Variants in FAM83B observed in about 807,000 individuals in gnomAD.
The protein encoded by FAM83B is scaffolding CK1 anchoring protein B, also known as protein FAM83B.
FAM83B carries 26 observed loss-of-function variants against 38.8 expected under a neutral mutation model. The observed-to-expected ratio is 0.67, with a 90% CI of 0.49 to 0.93. The LOEUF (loss-of-function observed/expected upper bound fraction) is 0.93. FAM83B is among the 40% of genes least tolerant of loss of function. FAM83B has a pLI of 0.00. For synonymous variants in FAM83B, 419 were observed against 423.1 expected, an observed-to-expected ratio of 0.99 and a Z score of 0.12; for missense variants, 1,237 against 1,197.3, an observed-to-expected ratio of 1.03 and a Z score of -0.49.
rs376048871 is a variant in FAM83B, at chr6:54,940,161, T to C, written c.1190T>C (p.Val397Ala). ...HSYAGEQPETVPYLLLNRALN... is the reference protein window; with the variant it reads ...HSYAGEQPETAPYLLLNRALN... Reference sequence around the variant, plus strand: ...TATGCTGGGGAACAGCCAGAAACAGTGCCATACCTCCTGCTTAATAGGGCT... The same window carrying C: ...TATGCTGGGGAACAGCCAGAAACAGCGCCATACCTCCTGCTTAATAGGGCT... Residue 397 changes from valine (V) to alanine (A), a missense_variant, in exon 5 of 5, where the codon GTG becomes GCG. Physicochemically the swap from Val to Ala is moderately conservative, Grantham distance 64 (BLOSUM62 0). Coordinates refer to ENST00000306858, the MANE Select transcript of FAM83B (RefSeq NM_001010872.3). The C allele has an allele frequency of 1.3e-5, 21 of 1,613,852 alleles. No individual in the cohort carries two copies. Among genetic ancestry groups the C allele is most frequent in the Admixed American group, 1.7e-5 (1 of 59,936 alleles).
At position 54,941,661 on chromosome 6, in the gene FAM83B, G is replaced by A. The variant is rs1383983728; in HGVS notation, c.2690G>A (p.Arg897Gln). The A allele has an allele frequency of 6.8e-6, 11 of 1,614,046 alleles. No individual in the cohort carries two copies. The highest frequency in any genetic ancestry group is 3.3e-5 in the Admixed American group (2 of 59,992). Residue 897 changes from arginine to glutamine, a missense_variant, in exon 5 of 5, where the codon CGA (arginine) becomes CAA (glutamine). Arg to Gln is a conservative substitution (Grantham distance 43, BLOSUM62 1). Transcript: ENST00000306858. The part of the protein sequence containing the change: ...PRFNTEQIQY[R>Q]DSREINAVVT... ...TTTAACACTGAACAGATCCAATACC[G>A]AGATTCAAGGGAGATTAATGCAGTT...
At chr6:54,924,526 G>A (rs1039074997) in intron 2 of FAM83B, among the ~76,000 whole-genome samples, 3 of 151,292 alleles carry the variant, frequency 2.0e-5, no homozygotes, top group African/African-American at 7.3e-5. Flanking sequence ...CCTAGCAGTA[G>A]GATTTGAACC....
intron 2 of FAM83B, among the ~76,000 whole-genome samples, chr6:54,919,058 G>C (rs1308054948): frequency 6.6e-6 from 1 of 151,940 alleles, no homozygotes; most frequent in African/African-American, 2.4e-5. Context: ...ACCAGACCAA[G>C]TTTCAAAAAA....
rs370609610 is a variant in FAM83B at position 54,885,233 on chromosome 6, C to T, written c.444+14543C>T. 1.7e-3 allele frequency among the ~76,000 whole-genome samples: 260 copies of T among 152,002 alleles called. 1 individual carries two copies. Among genetic ancestry groups the T allele is most frequent in the South Asian group, 0.013 (61 of 4,824 alleles). ...TAGAACAGTGTGAGTAGAGTTGAAC[C>T]TTACAATATTGAGTCTTCTAATCCA... On this transcript the variant is annotated intron_variant, in intron 2 of 4. Coordinates refer to ENST00000306858, the MANE Select transcript of FAM83B (RefSeq NM_001010872.3).
At chr6:54,930,113 A>G (rs1248270174) in intron 4 of FAM83B, among the ~76,000 whole-genome samples, 1 of 152,028 alleles carries the variant, frequency 6.6e-6, no homozygotes, top group Non-Finnish European at 1.5e-5. Flanking sequence ...TGTCTGCATT[A>G]TAGTTTTATC....
intron 2 of FAM83B, among the ~76,000 whole-genome samples, chr6:54,872,119 T>C (rs1462602522): frequency 1.3e-5 from 2 of 152,192 alleles, no homozygotes; most frequent in Non-Finnish European, 2.9e-5. Flanking sequence ...ATAACCTGTC[T>C]TTTCAGCTGT....
In FAM83B at chr6:54,870,722, T is replaced by G. The variant is rs747423890; in HGVS notation, c.444+32T>G. 6 of 1,536,670 alleles carry G rather than the reference T, an allele frequency of 3.9e-6. No individual in the cohort carries two copies. In the African/African-American group the frequency reaches 5.6e-5, roughly 14 times the overall value. On this transcript the variant is annotated intron_variant, in intron 2 of 4. Transcript: ENST00000306858. ...ACATTTCTATTTTGAAATGAAAAAT[T>G]TGAAACATGTAGAAAAGTAGAGAGA...
intron 1 of FAM83B, among the ~76,000 whole-genome samples, chr6:54,855,966 G>A (rs555056900): frequency 1.3e-5 from 2 of 152,270 alleles, no homozygotes; most frequent in African/African-American, 2.4e-5. Flanking sequence ...TTGTACAGAG[G>A]ATGGTTAAAA....
upstream of FAM83B, among the ~76,000 whole-genome samples, chr6:54,846,433 C>A (rs972899226): frequency 1.3e-5 from 2 of 152,214 alleles, no homozygotes; most frequent in Non-Finnish European, 2.9e-5. Context: ...CGGGATCGCT[C>A]CTCGCCCCAG....
At chr6:54,882,523 C>T (rs1440163765) in intron 2 of FAM83B, among the ~76,000 whole-genome samples, 1 of 152,076 alleles carries the variant, frequency 6.6e-6, no homozygotes, top group South Asian at 2.1e-4. Flanking sequence ...CTTGGGCTTA[C>T]CATTATGGTG....
chr6:54,890,220 T>A (rs1772369396), intron 2 of FAM83B, among the ~76,000 whole-genome samples: 1 of 128,370 alleles, frequency 7.8e-6, no homozygotes, highest in South Asian at 2.6e-4. Context: ...AAATAAGAAA[T>A]GTTTTATTGA....
intron 2 of FAM83B, among the ~76,000 whole-genome samples, chr6:54,924,300 T>C (rs1773238792): frequency 6.6e-6 from 1 of 151,944 alleles, no homozygotes; most frequent in Non-Finnish European, 1.5e-5. Context: ...ACATGATGAT[T>C]ACACACAATT....
At chr6:54,870,724 G>C in intron 2 of FAM83B, 34 bp downstream of exon 2, 1 of 1,525,018 alleles carries the variant, frequency 6.6e-7, no homozygotes, top group Non-Finnish European at 8.8e-7. Flanking sequence ...TGAAAAATTT[G>C]AAACATGTAG....
intron 2 of FAM83B, among the ~76,000 whole-genome samples, chr6:54,894,222 C>T (rs905470745): frequency 6.6e-6 from 1 of 152,114 alleles, no homozygotes; most frequent in African/African-American, 2.4e-5. Flanking sequence ...TTGTAGTGTC[C>T]ATTGATTTAA....
intron 2 of FAM83B, among the ~76,000 whole-genome samples, chr6:54,881,654 T>C (rs1462708229): frequency 6.6e-6 from 1 of 152,136 alleles, no homozygotes; most frequent in Non-Finnish European, 1.5e-5. Flanking sequence ...TGTGATCATG[T>C]AGTCTTTTTA....
intron 2 of FAM83B, among the ~76,000 whole-genome samples, chr6:54,883,333 T>A (rs1354231831): frequency 4.1e-5 from 1 of 24,154 alleles, no homozygotes; most frequent in Non-Finnish European, 6.2e-5. Flanking sequence ...TTTTTTTAAG[T>A]TTTTTTTTTT....
chr6:54,935,434 A>G (rs568667943), intron 4 of FAM83B, among the ~76,000 whole-genome samples: 1 of 152,270 alleles, frequency 6.6e-6, no homozygotes, highest in Non-Finnish European at 1.5e-5. Flanking sequence ...TTCTAAGAGC[A>G]TGTCAGCAGG....
chr6:54,923,099 A>G (rs770974672), intron 2 of FAM83B, among the ~76,000 whole-genome samples: 5 of 152,094 alleles, frequency 3.3e-5, no homozygotes, highest in Non-Finnish European at 7.4e-5. Context: ...AGCTTCAACA[A>G]TTATCATTCA....
At chr6:54,853,805 A>G (rs75710096) in intron 1 of FAM83B, among the ~76,000 whole-genome samples, 7,900 of 152,306 alleles carry the variant, frequency 0.052, 239 homozygotes, top group Middle Eastern at 0.085. Context: ...TATTATTTAA[A>G]AAGGCATTTC....
Sources: gnomAD v4.1 joint callset for allele counts (sites outside exome capture counted in the v4.1 genomes callset) on GRCh38, gnomAD v4.1.1 for gene constraint, MANE v1.5 for transcripts, NCBI Gene and HGNC (gene_info 2026-07-23, HGNC 2026-07-21) for gene names.